Variants in SH3GL2 observed in about 807,000 individuals in gnomAD.
The protein encoded by SH3GL2 is endophilin-A1.
In SH3GL2, 24 loss-of-function variants were observed where a neutral mutation model predicts 46.0. The ratio of observed to expected loss-of-function variants is 0.52; its 90% confidence interval spans 0.38 to 0.73. The LOEUF is 0.73. Ranked by LOEUF, SH3GL2 falls within the 30% of genes least tolerant of loss-of-function variation. SH3GL2 has a pLI of 0.00. For synonymous variants in SH3GL2, 196 were observed against 147.1 expected (o/e 1.33, Z -2.40); for missense variants, 413 against 424.2 (o/e 0.97, Z 0.23).
At chr9:17,751,858 C>A (rs552073383) in intron 2 of SH3GL2, among the ~76,000 whole-genome samples, 2 of 152,064 alleles carry the variant, frequency 1.3e-5, no homozygotes, top group South Asian at 2.1e-4. Context: ...GACACACCCC[C>A]CCGGTGTGGG....
rs1443911735 is a variant in SH3GL2 at position 17,747,141 on chromosome 9, C to T, written c.114+7C>T. The T allele has an allele frequency of 6.3e-7, 1 of 1,577,352 alleles. No homozygotes were observed. Among genetic ancestry groups the T allele is most frequent in the Non-Finnish European group, 8.7e-7 (1 of 1,147,800 alleles). On this transcript the variant is annotated splice_region_variant and intron_variant, in intron 2 of 8. Transcript: ENST00000380607. ...CTTCAAAGAGATGGAAAGGGTAAGC[C>T]TTCACTACTGCCTAGTGTTCCCTTT... is the stretch of plus-strand genomic sequence containing the variant.
At chr9:17,600,354 A>G (rs1423136917) in intron 1 of SH3GL2, among the ~76,000 whole-genome samples, 2 of 152,250 alleles carry the variant, frequency 1.3e-5, no homozygotes, top group Non-Finnish European at 2.9e-5. Context: ...AAAAATCAAG[A>G]TGTCAAAGAC....
chr9:17,714,146 TA>T (rs1202121633), intron 1 of SH3GL2, among the ~76,000 whole-genome samples: 2 of 151,782 alleles, frequency 1.3e-5, no homozygotes, highest in African/African-American at 2.4e-5. Context: ...TCCCTAGAAA[TA>T]GTCCTTACTA....
At chr9:17,738,596 TTTTA>T (rs1415016775) in intron 1 of SH3GL2, among the ~76,000 whole-genome samples, 1 of 69,104 alleles carries the variant, frequency 1.4e-5, no homozygotes, top group African/African-American at 4.2e-5. Context: ...AGAGAGAGAA[TTTTA>T]TTTCAAGGAA....
intron 1 of SH3GL2, 90 bp downstream of exon 1, chr9:17,579,377 G>A: frequency 1.2e-6 from 1 of 830,224 alleles, no homozygotes; most frequent in Non-Finnish European, 1.7e-6. Flanking sequence ...GCAGCTTGGG[G>A]AGTTCGGCAC....
intron 3 of SH3GL2, among the ~76,000 whole-genome samples, chr9:17,778,144 G>C (rs1383060254): frequency 2.0e-5 from 3 of 152,122 alleles, no homozygotes; most frequent in Non-Finnish European, 4.4e-5. Flanking sequence ...CACGGTGCTG[G>C]ATACTCTAAA....
At chr9:17,616,952 T>C (rs1247982752) in intron 1 of SH3GL2, among the ~76,000 whole-genome samples, 6 of 152,358 alleles carry the variant, frequency 3.9e-5, no homozygotes, top group Non-Finnish European at 7.4e-5. Context: ...GAGGCAACCA[T>C]TGTTACTGTT....
intron 1 of SH3GL2, among the ~76,000 whole-genome samples, chr9:17,684,841 A>G (rs116157944): frequency 1.6e-3 from 249 of 152,250 alleles, no homozygotes; most frequent in African/African-American, 5.8e-3. Context: ...AATATCCTTC[A>G]AAATGAAAGA....
At chr9:17,623,002 T>TTCTG (rs1563786474) in intron 1 of SH3GL2, among the ~76,000 whole-genome samples, 6 of 41,916 alleles carry the variant, frequency 1.4e-4, no homozygotes, top group Admixed American at 6.1e-4. Context: ...TTTCCTTTCC[T>TTCTG]TTCCTTTCCT....
At chr9:17,739,520 A>G (rs1043882837) in intron 1 of SH3GL2, among the ~76,000 whole-genome samples, 2 of 152,136 alleles carry the variant, frequency 1.3e-5, no homozygotes, top group African/African-American at 2.4e-5. Flanking sequence ...ATGGGAAACT[A>G]TGGAAATGTC....
At chr9:17,610,126 G>A (rs1481434010) in intron 1 of SH3GL2, among the ~76,000 whole-genome samples, 2 of 152,218 alleles carry the variant, frequency 1.3e-5, no homozygotes, top group African/African-American at 4.8e-5. Flanking sequence ...TATTCTAGCT[G>A]TGCAACTGTG....
chr9:17,789,585 T>C (rs1287396557), intron 6 of SH3GL2, 35 bp downstream of exon 6: 11 of 1,610,610 alleles, frequency 6.8e-6, no homozygotes, highest in South Asian at 1.1e-5. Context: ...TTTAATCTTA[T>C]CATCGAGGCA....
chr9:17,651,092 C>G (rs992857082), intron 1 of SH3GL2, among the ~76,000 whole-genome samples: 1 of 151,880 alleles, frequency 6.6e-6, no homozygotes, highest in Non-Finnish European at 1.5e-5. Context: ...ATTGTTTTTT[C>G]ATTAGTTTTT....
At chr9:17,793,593 G>C in intron 8 of SH3GL2, 96 bp downstream of exon 8, 1 of 1,153,290 alleles carries the variant, frequency 8.7e-7, no homozygotes, top group Non-Finnish European at 1.3e-6. Flanking sequence ...TGGCTGCATA[G>C]GAAATATGCA....
chr9:17,754,906 G>C (rs184948806), intron 2 of SH3GL2, among the ~76,000 whole-genome samples: 3 of 152,114 alleles, frequency 2.0e-5, no homozygotes, highest in Admixed American at 2.0e-4. Flanking sequence ...GGGGTTTTCT[G>C]GACATAGGAT....
At chr9:17,628,407 C>A (rs1333729940) in intron 1 of SH3GL2, among the ~76,000 whole-genome samples, 2 of 132,408 alleles carry the variant, frequency 1.5e-5, no homozygotes, top group East Asian at 2.3e-4. Flanking sequence ...ATAACTATAT[C>A]TTGGGTGTGT....
At chr9:17,677,883 G>T (rs1302622868) in intron 1 of SH3GL2, among the ~76,000 whole-genome samples, 1 of 151,706 alleles carries the variant, frequency 6.6e-6, no homozygotes, top group Non-Finnish European at 1.5e-5. Context: ...TGCGGTGTTT[G>T]GTTTTTGTCC....
At chr9:17,789,604 A>G (rs756391885) in intron 6 of SH3GL2, 54 bp downstream of exon 6, 1 of 1,606,106 alleles carries the variant, frequency 6.2e-7, no homozygotes, top group Admixed American at 1.7e-5. Flanking sequence ...CACAACATTA[A>G]TATGTTAAAG....
intron 3 of SH3GL2, among the ~76,000 whole-genome samples, chr9:17,779,651 G>A (rs1823742262): frequency 2.0e-5 from 3 of 152,158 alleles, no homozygotes; most frequent in Admixed American, 1.3e-4. Flanking sequence ...ACCACTGGAA[G>A]AAAACTGTTC....
Sources: gnomAD v4.1 joint callset for allele counts (sites outside exome capture counted in the v4.1 genomes callset) on GRCh38, gnomAD v4.1.1 for gene constraint, MANE v1.5 for transcripts, NCBI Gene and HGNC (gene_info 2026-07-23, HGNC 2026-07-21) for gene names.